Variants in GABBR2 observed in about 807,000 individuals in gnomAD.
The protein encoded by GABBR2 is gamma-aminobutyric acid type B receptor subunit 2, also known as G-protein coupled receptor 51.
Under a neutral mutation model 105.6 loss-of-function variants are expected in GABBR2, and 23 were observed. The observed-to-expected ratio is 0.22, with a 90% CI of 0.16 to 0.31. The LOEUF (loss-of-function observed/expected upper bound fraction) is 0.31. GABBR2 is among the 10% of genes least tolerant of loss of function. The pLI, the probability that GABBR2 is intolerant of heterozygous loss-of-function variation, is 1.00. For synonymous variants in GABBR2, 478 were observed against 499.7 expected, an observed-to-expected ratio of 0.96 and a Z score of 0.58; for missense variants, 734 against 1,245.5, an observed-to-expected ratio of 0.59 and a Z score of 6.18.
At chr9:98,574,725 T>TC (rs1220356671) in intron 2 of GABBR2, among the ~76,000 whole-genome samples, 1 of 152,220 alleles carries the variant, frequency 6.6e-6, no homozygotes, top group Non-Finnish European at 1.5e-5. Flanking sequence ...GCTGTCCTGC[T>TC]CATGGAGAGG....
At chr9:98,657,356 T>C (rs991813547) in intron 1 of GABBR2, among the ~76,000 whole-genome samples, 2 of 152,180 alleles carry the variant, frequency 1.3e-5, no homozygotes, top group Non-Finnish European at 2.9e-5. Context: ...TCAAGAAAAA[T>C]GGAGGGTATA....
At chr9:98,487,557 T>C (rs1827084383) in intron 4 of GABBR2, among the ~76,000 whole-genome samples, 1 of 152,072 alleles carries the variant, frequency 6.6e-6, no homozygotes, top group Admixed American at 6.5e-5. Context: ...GGAGAATCAC[T>C]TGAGCTCAGG....
intron 1 of GABBR2, among the ~76,000 whole-genome samples, chr9:98,602,544 A>G (rs763153264): frequency 4.6e-5 from 7 of 150,936 alleles, no homozygotes; most frequent in Non-Finnish European, 3.0e-5. Flanking sequence ...TCCCTCCTAG[A>G]CCTCCCAAAG....
intron 7 of GABBR2, among the ~76,000 whole-genome samples, chr9:98,445,345 C>T (rs563233065): frequency 6.6e-6 from 1 of 152,134 alleles, no homozygotes; most frequent in Admixed American, 6.5e-5. Context: ...ACCCTCCAAT[C>T]GGGTGTGGGG....
At chr9:98,570,054 A>G (rs1828805957) in intron 2 of GABBR2, among the ~76,000 whole-genome samples, 1 of 152,190 alleles carries the variant, frequency 6.6e-6, no homozygotes, top group African/African-American at 2.4e-5. Flanking sequence ...GTTTTCAGAA[A>G]TCAAGTCCTA....
chr9:98,601,298 T>C (rs564446652), intron 1 of GABBR2, among the ~76,000 whole-genome samples: 25 of 152,276 alleles, frequency 1.6e-4, no homozygotes, highest in Admixed American at 1.4e-3. Context: ...GGGAAGATCA[T>C]TTGAGGCCAG....
intron 4 of GABBR2, among the ~76,000 whole-genome samples, chr9:98,490,879 G>A (rs1827162301): frequency 6.6e-6 from 1 of 152,158 alleles, no homozygotes. Context: ...AGCTTAAAGG[G>A]CCTCGCGACT....
chr9:98,624,121 G>A (rs183667712), intron 1 of GABBR2, among the ~76,000 whole-genome samples: 4 of 152,346 alleles, frequency 2.6e-5, no homozygotes, highest in Admixed American at 2.6e-4. Flanking sequence ...ACAGTAAGGA[G>A]GGCAAGGCAA....
intron 1 of GABBR2, among the ~76,000 whole-genome samples, chr9:98,613,883 T>C (rs1829543504): frequency 6.6e-6 from 1 of 152,110 alleles, no homozygotes; most frequent in African/African-American, 2.4e-5. Context: ...AGCAAAAGCA[T>C]TAGGAAAATG....
intron 2 of GABBR2, among the ~76,000 whole-genome samples, chr9:98,554,041 C>A (rs1828538778): frequency 6.6e-6 from 1 of 152,202 alleles, no homozygotes; most frequent in African/African-American, 2.4e-5. Flanking sequence ...AGGTGACTTA[C>A]TCAAAATCAG....
intron 13 of GABBR2, among the ~76,000 whole-genome samples, chr9:98,354,583 A>G (rs565158885): frequency 6.6e-6 from 1 of 152,308 alleles, no homozygotes; most frequent in Admixed American, 6.5e-5. Context: ...TATGTTATAG[A>G]GATGATTTCT....
chr9:98,437,993 C>A (rs955596614), intron 7 of GABBR2, among the ~76,000 whole-genome samples: 2 of 151,698 alleles, frequency 1.3e-5, no homozygotes, highest in Admixed American at 6.6e-5. Context: ...CATACTCATT[C>A]ATTTATCCAA....
intron 11 of GABBR2, among the ~76,000 whole-genome samples, chr9:98,380,335 GCCT>G (rs1328227037): frequency 1.3e-5 from 2 of 152,230 alleles, no homozygotes; most frequent in Non-Finnish European, 2.9e-5. Context: ...TCCGCCTGGA[GCCT>G]CCTCATCCTG....
intron 1 of GABBR2, among the ~76,000 whole-genome samples, chr9:98,669,943 G>A (rs1830386353): frequency 1.3e-5 from 2 of 150,006 alleles, no homozygotes; most frequent in Non-Finnish European, 1.5e-5. Context: ...CCAAGAGAAC[G>A]CAACCAGGAG....
At chr9:98,642,511 T>C (rs369411321) in intron 1 of GABBR2, among the ~76,000 whole-genome samples, 1 of 152,238 alleles carries the variant, frequency 6.6e-6, no homozygotes, top group South Asian at 2.1e-4. Flanking sequence ...ATGTTTCAAC[T>C]TGACCATCAA....
chr9:98,390,402 A>AAAAAAAAAAAAAAAAAAAAAAAG (rs1832159433), intron 9 of GABBR2, among the ~76,000 whole-genome samples: 1 of 145,496 alleles, frequency 6.9e-6, no homozygotes, highest in African/African-American at 2.5e-5. Context: ...AAAAAAAAAA[A>AAAAAAAAAAAAAAAAAAAAAAAG]TAGAGAGCGA....
intron 11 of GABBR2, among the ~76,000 whole-genome samples, chr9:98,378,840 T>C (rs1831922530): frequency 6.6e-6 from 1 of 152,174 alleles, no homozygotes; most frequent in Non-Finnish European, 1.5e-5. Context: ...ACAGTTGAGT[T>C]CAGTTTGTGA....
intron 1 of GABBR2, among the ~76,000 whole-genome samples, chr9:98,620,352 C>T (rs772952084): frequency 2.0e-5 from 3 of 151,806 alleles, no homozygotes; most frequent in Middle Eastern, 3.4e-3. Context: ...TATCACCTAA[C>T]GTTAAGGACC....
Position 98,289,546 on chromosome 9 carries a change from C to T in GABBR2, c.*1038G>A, listed in dbSNP as rs1018528774. On this transcript the variant is annotated 3_prime_UTR_variant, in exon 19 of 19. Transcript: ENST00000259455. ...CTGCCTTCTGGAAGCCAAGGGAAGC[C>T]CTCAGCCAGCAACTCTCTCCCCTAT... 1.3e-5 allele frequency: 2 copies of T among 152,438 alleles called. No individual in the cohort carries two copies. The highest frequency in any genetic ancestry group is 4.8e-5 in the African/African-American group (2 of 41,380). The allele number at this position is 152,438 out of a possible 1,614,324, so 9.4% of individuals were successfully genotyped here. A position where few individuals can be genotyped will look rare whatever the true frequency, so the allele number is the denominator to read the frequency against.
Sources: gnomAD v4.1 joint callset for allele counts (sites outside exome capture counted in the v4.1 genomes callset) on GRCh38, gnomAD v4.1.1 for gene constraint, MANE v1.5 for transcripts, NCBI Gene and HGNC (gene_info 2026-07-23, HGNC 2026-07-21) for gene names.